SOX5: variants seen among roughly 807,000 people sequenced by gnomAD.
SOX5 encodes the protein SRY-box transcription factor 5.
SOX5 carries 9 observed loss-of-function variants against 92.0 expected under a neutral mutation model. That is an observed-to-expected ratio of 0.10 (90% CI 0.06 to 0.17). The LOEUF (loss-of-function observed/expected upper bound fraction) is 0.17. Among genes scored for constraint, SOX5 ranks in the 10% least tolerant of loss-of-function variants. The pLI is 1.00. For missense variants in SOX5, 642 were observed against 944.5 expected (o/e 0.68, Z 4.20); for synonymous variants, 344 against 336.3 (o/e 1.02, Z -0.25).
rs1375819617 is a variant in SOX5 at position 23,896,004 on chromosome 12, G to T, written c.59C>A (p.Ala20Asp). ...TCCATCTGCTTCCCCATACGGAGAG[G>T]CTGGTCGCTTGGAAGACATCCTGGA... ...EFERMSSKRP[A>D]SPYGEADGEV... The change falls in exon 2 of 15, where the codon GCC becomes GAC. Residue 20 changes from alanine to aspartate, a missense_variant. Coordinates refer to ENST00000451604, the MANE Select transcript of SOX5 (RefSeq NM_006940.6). The T allele has an allele frequency of 1.2e-6, 2 of 1,613,632 alleles. No homozygotes were observed. Among genetic ancestry groups the T allele is most frequent in the South Asian group, 1.1e-5 (1 of 91,074 alleles).
intron 4 of SOX5, among the ~76,000 whole-genome samples, chr12:24,083,312 AC>A (rs1405304147): frequency 6.6e-6 from 1 of 152,050 alleles, no homozygotes; most frequent in Non-Finnish European, 1.5e-5. Context: ...AATTACAAAG[AC>A]CAAATATATA....
At chr12:24,344,281 C>CAAAAAAAAAA (rs61660537) in intron 2 of SOX5, among the ~76,000 whole-genome samples, 26 of 104,322 alleles carry the variant, frequency 2.5e-4, no homozygotes, top group African/African-American at 9.1e-4. Flanking sequence ...GACTCTGTCT[C>CAAAAAAAAAA]AAAAAAAAAA....
In SOX5 at chr12:23,530,038, G is replaced by T. The variant is rs1938631393; in HGVS notation, c.*4181C>A. On this transcript the variant is annotated 3_prime_UTR_variant, in exon 15 of 15. Transcript: ENST00000451604. ...CAACACATCGTCTTCAACCTGGGAAGTTGATAGTTATAGGATACTTTAAAA... is the reference window on the plus strand; with the variant it reads ...CAACACATCGTCTTCAACCTGGGAATTTGATAGTTATAGGATACTTTAAAA... 6.6e-6 allele frequency: 1 copy of T among 152,194 alleles called. No homozygotes were observed. The highest frequency in any genetic ancestry group is 1.5e-5 in the Non-Finnish European group (1 of 68,030). 9.4% of individuals were successfully genotyped at this position (152,194 alleles called of 1,614,324 possible).
At chr12:24,447,328 C>A (rs566590691) in intron 1 of SOX5, among the ~76,000 whole-genome samples, 1 of 152,302 alleles carries the variant, frequency 6.6e-6, no homozygotes, top group South Asian at 2.1e-4. Flanking sequence ...CCTCTCCCAA[C>A]CCCACAAGCC....
At chr12:23,986,471 G>A (rs1950074545) in intron 4 of SOX5, among the ~76,000 whole-genome samples, 2 of 152,126 alleles carry the variant, frequency 1.3e-5, no homozygotes, top group South Asian at 4.1e-4. Flanking sequence ...TCAAGTTAAG[G>A]TGATAATGTA....
intron 3 of SOX5, among the ~76,000 whole-genome samples, chr12:23,837,253 ATATTTATATAATATATAATATG>A (rs1489741801): frequency 2.5e-5 from 2 of 78,544 alleles, no homozygotes; most frequent in Non-Finnish European, 6.0e-5. Context: ...ATATATATTT[ATATTTATATAATATATAATATG>A]TATTTATATT....
Position 24,285,872 on chromosome 12 carries a change from C to T in SOX5, c.-173-8560G>A, listed in dbSNP as rs554957406. On this transcript the variant is annotated intron_variant, in intron 2 of 4. Coordinates refer to the SOX5 transcript ENST00000446891. ...AAACAGACATGTGCTTAATAATTAA[C>T]GGAAAAAGATAAAAATAATATTTAT... Among the ~76,000 whole-genome samples, 13 of 151,994 alleles carry T rather than the reference C, an allele frequency of 8.6e-5. 1 individual carries two copies. In the South Asian group the frequency reaches 1.0e-3, roughly 12 times the overall value.
chr12:24,336,761 TGA>T (rs1410131845), intron 2 of SOX5, among the ~76,000 whole-genome samples: 1 of 152,060 alleles, frequency 6.6e-6, no homozygotes, highest in African/African-American at 2.4e-5. Context: ...CTAAAATATC[TGA>T]GAGGGAGAAG....
At chr12:24,128,666 A>G (rs2138448429) in intron 4 of SOX5, among the ~76,000 whole-genome samples, 1 of 152,332 alleles carries the variant, frequency 6.6e-6, no homozygotes, top group South Asian at 2.1e-4. Context: ...AATGGAAGTG[A>G]CAGAGGTAAG....
chr12:24,104,446 G>T (rs141815507), intron 4 of SOX5, among the ~76,000 whole-genome samples: 1 of 152,048 alleles, frequency 6.6e-6, no homozygotes, highest in East Asian at 1.9e-4. Flanking sequence ...ATATCAATCT[G>T]ACATTATACA....
intron 2 of SOX5, among the ~76,000 whole-genome samples, chr12:23,877,888 T>C (rs1397535183): frequency 6.6e-6 from 1 of 152,052 alleles, no homozygotes; most frequent in African/African-American, 2.4e-5. Context: ...TTTTCATTTA[T>C]TAGTATATAA....
chr12:24,040,663 G>C (rs1424153038), intron 4 of SOX5, among the ~76,000 whole-genome samples: 2 of 152,214 alleles, frequency 1.3e-5, no homozygotes, highest in African/African-American at 4.8e-5. Context: ...ACGAGGTCAG[G>C]AGATGGAGAC....
chr12:24,379,506 C>T (rs1240520548), intron 1 of SOX5, among the ~76,000 whole-genome samples: 1 of 152,198 alleles, frequency 6.6e-6, no homozygotes, highest in Non-Finnish European at 1.5e-5. Context: ...CAATCAGAGT[C>T]TTTCCTTAAG....
chr12:23,942,500 A>G (rs1056975007), intron 1 of SOX5, among the ~76,000 whole-genome samples: 8 of 151,932 alleles, frequency 5.3e-5, no homozygotes, highest in African/African-American at 1.9e-4. Flanking sequence ...TAAGAAATTA[A>G]CAACAGGCAA....
chr12:23,610,813 CTG>C (rs1411015070), intron 8 of SOX5, among the ~76,000 whole-genome samples: 2 of 151,910 alleles, frequency 1.3e-5, no homozygotes, highest in African/African-American at 4.8e-5. Flanking sequence ...ATAACAGTAA[CTG>C]AATGTCTATT....
At chr12:24,301,252 C>T (rs1365641227) in intron 2 of SOX5, among the ~76,000 whole-genome samples, 1 of 152,188 alleles carries the variant, frequency 6.6e-6, no homozygotes, top group Non-Finnish European at 1.5e-5. Context: ...TTCTCTTAGA[C>T]CTATTCCACT....
chr12:24,335,971 T>TTATATATATATATATATATATATATA (rs1168839892), intron 2 of SOX5, among the ~76,000 whole-genome samples: 1 of 9,564 alleles, frequency 1.0e-4, no homozygotes, highest in Non-Finnish European at 2.9e-4. Flanking sequence ...AGAAATGCTA[T>TTATATATATATATATATATATATATA]CATATATATA....
intron 9 of SOX5, chr12:23,584,480 A>G: frequency 8.9e-7 from 1 of 1,127,726 alleles, no homozygotes. Flanking sequence ...AAGCATCATT[A>G]TGCATAAGTC....
At chr12:24,140,746 A>AT (rs1950513111) in intron 4 of SOX5, among the ~76,000 whole-genome samples, 1 of 152,166 alleles carries the variant, frequency 6.6e-6, no homozygotes. Flanking sequence ...TCTATAATTA[A>AT]TTTTTACCGT....
Sources: gnomAD v4.1 joint callset for allele counts (sites outside exome capture counted in the v4.1 genomes callset) on GRCh38, gnomAD v4.1.1 for gene constraint, MANE v1.5 for transcripts, NCBI Gene and HGNC (gene_info 2026-07-23, HGNC 2026-07-21) for gene names.